DYNC1I2: variants seen among roughly 807,000 people sequenced by gnomAD.
The protein encoded by DYNC1I2 is dynein cytoplasmic 1 intermediate chain 2.
Under a neutral mutation model 88.6 loss-of-function variants are expected in DYNC1I2, and 53 were observed. The observed-to-expected ratio is 0.60, with a 90% confidence interval of 0.48 to 0.75. The LOEUF is 0.75. Among genes scored for constraint, DYNC1I2 ranks in the 30% least tolerant of loss-of-function variants. The pLI, the probability that DYNC1I2 is intolerant of heterozygous loss-of-function variation, is 0.00. For synonymous variants in DYNC1I2, 198 were observed against 254.6 expected (o/e 0.78, Z 2.12); for missense variants, 458 against 766.6 (o/e 0.60, Z 4.75).
chr2:171,749,447 T>A lies in DYNC1I2; in HGVS notation c.*1558T>A, dbSNP rs1689978917. ...AAGACAATATCTCAAGTTATCTCAT[T>A]GTAGCAGTGTCTGTGAGTCAAAACT... On this transcript the variant is annotated 3_prime_UTR_variant, in exon 18 of 18. Coordinates refer to ENST00000397119, the MANE Select transcript of DYNC1I2 (RefSeq NM_001378.3). Among the ~76,000 whole-genome samples the A allele has an allele frequency of 6.6e-6, 1 of 152,132 alleles. No homozygotes were observed. Among genetic ancestry groups the A allele is most frequent in the Non-Finnish European group, 1.5e-5 (1 of 67,986 alleles).
At chr2:171,692,090 T>TA (rs1169188630) in intron 2 of DYNC1I2, among the ~76,000 whole-genome samples, 3 of 151,984 alleles carry the variant, frequency 2.0e-5, no homozygotes, top group Non-Finnish European at 2.9e-5. Context: ...GAGATTTACA[T>TA]AAAAAAAACT....
At chr2:171,740,182 G>A (rs757099241) in intron 15 of DYNC1I2, among the ~76,000 whole-genome samples, 24 of 152,084 alleles carry the variant, frequency 1.6e-4, no homozygotes, top group Non-Finnish European at 2.4e-4. Flanking sequence ...TAATGTGTGT[G>A]GTTGCAGATA....
At chr2:171,704,990 C>G (rs1269072124) in intron 3 of DYNC1I2, among the ~76,000 whole-genome samples, 1 of 151,924 alleles carries the variant, frequency 6.6e-6, no homozygotes, top group East Asian at 1.9e-4. Context: ...AGCTAAGAGT[C>G]CTTTATAGAG....
intron 17 of DYNC1I2, among the ~76,000 whole-genome samples, chr2:171,747,013 G>A (rs957891304): frequency 6.6e-6 from 1 of 151,702 alleles, no homozygotes; most frequent in African/African-American, 2.4e-5. Context: ...GGCCAACATG[G>A]CAAAACCCCA....
At position 171,726,310 on chromosome 2, in the gene DYNC1I2, T is replaced by C; in HGVS notation, c.870+17T>C. The C allele has an allele frequency of 1.3e-6, 2 of 1,547,042 alleles. No homozygotes were observed. Among genetic ancestry groups the C allele is most frequent in the South Asian group, 1.2e-5 (1 of 85,222 alleles). On this transcript the variant is annotated intron_variant, in intron 10 of 17. Transcript: ENST00000397119. ...TCATCTCAGGTAAAATATAACAAAA[T>C]AGGCCGCTCTTAACTCATTTTTAAA...
intron 3 of DYNC1I2, among the ~76,000 whole-genome samples, chr2:171,694,791 A>G (rs180898351): frequency 3.9e-5 from 6 of 152,304 alleles, no homozygotes; most frequent in Admixed American, 2.6e-4. Flanking sequence ...AGCATGTCTC[A>G]TGCAGTGAGC....
At chr2:171,706,447 C>T (rs766734225) in intron 3 of DYNC1I2, 100 bp from the exon 4 acceptor site, 4 of 937,310 alleles carry the variant, frequency 4.3e-6, no homozygotes, top group Non-Finnish European at 5.1e-6. Context: ...TAGGGGAAAG[C>T]ACTTGCTGTT....
At chr2:171,712,927 G>C in intron 6 of DYNC1I2, 101 bp downstream of exon 6, 1 of 984,866 alleles carries the variant, frequency 1.0e-6, no homozygotes, top group South Asian at 1.4e-5. Flanking sequence ...ATTGTATCAC[G>C]TAGTAAGGAC....
intron 3 of DYNC1I2, among the ~76,000 whole-genome samples, chr2:171,703,792 A>G (rs575499823): frequency 6.6e-6 from 1 of 152,270 alleles, no homozygotes; most frequent in East Asian, 1.9e-4. Flanking sequence ...GGCTAAGAAC[A>G]CTTGTGTCCA....
chr2:171,711,072 A>G (rs1383469710), intron 5 of DYNC1I2, among the ~76,000 whole-genome samples: 1 of 145,682 alleles, frequency 6.9e-6, no homozygotes, highest in Non-Finnish European at 1.5e-5. Flanking sequence ...CCTATGTCCA[A>G]GTGTTCTCAT....
chr2:171,706,648 T>G, intron 4 of DYNC1I2, 84 bp downstream of exon 4: 3 of 1,286,712 alleles, frequency 2.3e-6, no homozygotes, highest in Non-Finnish European at 3.3e-6. Context: ...GCATGCTGTT[T>G]TATTGCCTGT....
At chr2:171,743,545 C>T (rs1021878566) in intron 15 of DYNC1I2, among the ~76,000 whole-genome samples, 2 of 152,196 alleles carry the variant, frequency 1.3e-5, no homozygotes, top group Admixed American at 6.5e-5. Context: ...CTCGTGCCTT[C>T]CTTCATCTTC....
chr2:171,707,257 C>G, intron 4 of DYNC1I2, 30 bp from the exon 5 acceptor site: 1 of 1,613,552 alleles, frequency 6.2e-7, no homozygotes, highest in Non-Finnish European at 8.5e-7. Context: ...CGTGTAGTAA[C>G]AGCGGATACC....
intron 5 of DYNC1I2, among the ~76,000 whole-genome samples, chr2:171,708,102 A>G (rs1559374958): frequency 6.6e-6 from 1 of 151,748 alleles, no homozygotes; most frequent in Non-Finnish European, 1.5e-5. Flanking sequence ...CAAAATAGTG[A>G]GTATTAAATG....
intron 11 of DYNC1I2, 27 bp downstream of exon 11, chr2:171,726,943 C>T (rs1336571024): frequency 6.5e-7 from 1 of 1,542,764 alleles, no homozygotes; most frequent in Admixed American, 2.1e-5. Context: ...ACAGTCTTCG[C>T]CTCAAGTTTA....
At chr2:171,728,214 C>A in intron 12 of DYNC1I2, 91 bp from the exon 13 acceptor site, 1 of 777,898 alleles carries the variant, frequency 1.3e-6, no homozygotes, top group Non-Finnish European at 1.9e-6. Context: ...TTATGAGACT[C>A]GATAATAAAC....
chr2:171,718,156 C>T (rs891188261), intron 7 of DYNC1I2, among the ~76,000 whole-genome samples: 1 of 152,158 alleles, frequency 6.6e-6, no homozygotes, highest in Middle Eastern at 3.4e-3. Context: ...GGGGGTCTCG[C>T]CATGTTGGCC....
At position 171,747,886 on chromosome 2, in the gene DYNC1I2, T is replaced by C. The variant is rs201830632; in HGVS notation, c.1914T>C (p.Ala638=). Residue 638 remains alanine, a synonymous_variant, in exon 18 of 18, where the codon GCT becomes GCC. Coordinates refer to ENST00000397119, the MANE Select transcript of DYNC1I2 (RefSeq NM_001378.3). ...AGGAAGCAGCTACCCGAATACCTGC[T>C]TAGTTCCTGAAAAGGGGAGTGTAAC... ...AEEEAATRIP[A] 2.5e-6 allele frequency: 4 copies of C among 1,605,274 alleles called. No individual in the cohort carries two copies. The African/African-American group carries it at 4.0e-5, about 16-fold the overall frequency.
rs1685551576 is a variant in DYNC1I2 at position 171,693,684 on chromosome 2, C to T, written c.226+790C>T. On this transcript the variant is annotated intron_variant, in intron 3 of 17. Coordinates refer to ENST00000397119, the MANE Select transcript of DYNC1I2 (RefSeq NM_001378.3). ...TGCTTGTTGTGAAACTGCAACATAA[C>T]TGTCCTTAGAGCTGATATTTCTAAA... Among the ~76,000 whole-genome samples, 6 of 152,288 alleles carry T rather than the reference C, an allele frequency of 3.9e-5. No individual in the cohort carries two copies. The South Asian group carries it at 1.2e-3, about 32-fold the overall frequency.
Sources: gnomAD v4.1 joint callset for allele counts (sites outside exome capture counted in the v4.1 genomes callset) on GRCh38, gnomAD v4.1.1 for gene constraint, MANE v1.5 for transcripts, NCBI Gene and HGNC (gene_info 2026-07-23, HGNC 2026-07-21) for gene names.